DLG2: variants seen among roughly 807,000 people sequenced by gnomAD.
The protein encoded by DLG2 is disks large homolog 2.
In DLG2, 45 loss-of-function variants were observed where a neutral mutation model predicts 132.5. That is an observed-to-expected ratio of 0.34 (90% CI 0.27 to 0.44). DLG2 has a LOEUF of 0.44. Ranked by LOEUF, DLG2 falls within the 20% of genes least tolerant of loss-of-function variation. The probability of loss-of-function intolerance (pLI) is 1.00; values close to 1 mark genes in which losing one functional copy is unlikely to be tolerated. For synonymous variants in DLG2, 424 were observed against 419.6 expected, an observed-to-expected ratio of 1.01 and a Z score of -0.13; for missense variants, 1,045 against 1,196.9, an observed-to-expected ratio of 0.87 and a Z score of 1.87.
At chr11:84,258,228 A>T (rs966789103) in intron 7 of DLG2, among the ~76,000 whole-genome samples, 1 of 152,194 alleles carries the variant, frequency 6.6e-6, no homozygotes, top group Non-Finnish European at 1.5e-5. Context: ...ATAAATGGGT[A>T]ATTGACTGAT....
chr11:84,454,733 A>C (rs1411633870), intron 7 of DLG2, among the ~76,000 whole-genome samples: 2 of 151,534 alleles, frequency 1.3e-5, no homozygotes, highest in Non-Finnish European at 3.0e-5. Context: ...TAAGCCAAAT[A>C]AAAAAGCACA....
At chr11:84,447,773 G>T (rs1021279777) in intron 7 of DLG2, among the ~76,000 whole-genome samples, 8 of 152,160 alleles carry the variant, frequency 5.3e-5, no homozygotes, top group African/African-American at 1.7e-4. Flanking sequence ...TTATATAGTA[G>T]ATCTGAATTA....
At chr11:84,654,453 G>A (rs1226175839) in intron 6 of DLG2, among the ~76,000 whole-genome samples, 3 of 152,114 alleles carry the variant, frequency 2.0e-5, no homozygotes, top group Non-Finnish European at 4.4e-5. Flanking sequence ...GCCAGTCTTT[G>A]ATCCCTACTT....
intron 8 of DLG2, among the ~76,000 whole-genome samples, chr11:84,247,820 C>G (rs993890648): frequency 6.6e-6 from 1 of 152,136 alleles, no homozygotes. Context: ...ACCATTTTCA[C>G]AAGAACCATT....
At chr11:84,906,341 G>T (rs573827521) in intron 6 of DLG2, among the ~76,000 whole-genome samples, 13 of 147,786 alleles carry the variant, frequency 8.8e-5, no homozygotes, top group African/African-American at 3.2e-4. Context: ...AAAAGTACTC[G>T]ATGACTTGAC....
At chr11:84,346,171 A>C (rs2098538439) in intron 7 of DLG2, among the ~76,000 whole-genome samples, 1 of 152,244 alleles carries the variant, frequency 6.6e-6, no homozygotes, top group African/African-American at 2.4e-5. Context: ...CAAGGCTCTC[A>C]GTTAAGTCAT....
In DLG2 at chr11:84,686,384, G is replaced by A. The variant is rs182733284; in HGVS notation, c.358-151653C>T. Among the ~76,000 whole-genome samples the A allele has an allele frequency of 2.2e-3, 328 of 152,196 alleles. 2 individuals carry two copies. The highest frequency in any genetic ancestry group is 2.7e-3 in the Non-Finnish European group (182 of 68,006). Reference sequence around the variant, plus strand: ...GAAGGCAACCTTTCTACAATGCTTCGTGTCTGGAGATCTAAAATAACAAAT... The same window carrying A: ...GAAGGCAACCTTTCTACAATGCTTCATGTCTGGAGATCTAAAATAACAAAT... On this transcript the variant is annotated intron_variant, in intron 6 of 27. Coordinates refer to ENST00000376104, the MANE Select transcript of DLG2 (RefSeq NM_001142699.3).
At chr11:84,479,500 G>C (rs997982379) in intron 7 of DLG2, among the ~76,000 whole-genome samples, 5 of 151,830 alleles carry the variant, frequency 3.3e-5, no homozygotes, top group African/African-American at 1.2e-4. Flanking sequence ...GCCTACCAAG[G>C]CCTAAAAATA....
intron 6 of DLG2, among the ~76,000 whole-genome samples, chr11:84,925,418 CACCTGAGTAT>C (rs2092941004): frequency 6.6e-6 from 1 of 152,110 alleles, no homozygotes; most frequent in African/African-American, 2.4e-5. Context: ...TTCTTTAAAA[CACCTGAGTAT>C]ACCTGTCTAG....
At chr11:84,483,430 CAAAAA>C (rs56086759) in intron 7 of DLG2, among the ~76,000 whole-genome samples, 3 of 90,178 alleles carry the variant, frequency 3.3e-5, no homozygotes, top group Non-Finnish European at 4.4e-5. Flanking sequence ...GACTCCGCCT[CAAAAA>C]AAAAAAAAAA....
At chr11:83,741,295 T>C (rs953894430) in intron 18 of DLG2, among the ~76,000 whole-genome samples, 1 of 152,102 alleles carries the variant, frequency 6.6e-6, no homozygotes, top group African/African-American at 2.4e-5. Context: ...TACTGGAAGT[T>C]CTAGCCAGGA....
chr11:85,003,325 C>CA (rs1453884225), intron 6 of DLG2, among the ~76,000 whole-genome samples: 8 of 151,340 alleles, frequency 5.3e-5, no homozygotes, highest in Admixed American at 3.3e-4. Context: ...CCATGCATTT[C>CA]AAAAAAAATA....
chr11:85,334,670 T>C (rs1470389403), intron 3 of DLG2, among the ~76,000 whole-genome samples: 1 of 152,242 alleles, frequency 6.6e-6, no homozygotes, highest in East Asian at 1.9e-4. Context: ...TCTGCCTTAA[T>C]TTCATTCTTT....
At chr11:84,968,555 T>C (rs959978561) in intron 6 of DLG2, among the ~76,000 whole-genome samples, 3 of 152,212 alleles carry the variant, frequency 2.0e-5, no homozygotes, top group African/African-American at 4.8e-5. Flanking sequence ...ATTTTTATTT[T>C]AGTTTCTGTA....
chr11:84,362,685 G>A (rs528173847), intron 7 of DLG2, among the ~76,000 whole-genome samples: 6 of 152,032 alleles, frequency 3.9e-5, no homozygotes, highest in Non-Finnish European at 8.8e-5. Context: ...ACAGTCCCCA[G>A]AGTGTGATGT....
chr11:85,424,321 C>T (rs2090550896), intron 3 of DLG2, among the ~76,000 whole-genome samples: 1 of 152,130 alleles, frequency 6.6e-6, no homozygotes, highest in African/African-American at 2.4e-5. Flanking sequence ...TGGGTTCTCT[C>T]AGGTTTCCTG....
At chr11:84,270,067 C>A (rs1160569174) in intron 7 of DLG2, among the ~76,000 whole-genome samples, 2 of 152,126 alleles carry the variant, frequency 1.3e-5, no homozygotes, top group Admixed American at 1.3e-4. Flanking sequence ...AAAAGAACTA[C>A]TAATTATGAG....
chr11:85,542,435 A>C lies in DLG2; in HGVS notation c.40+56222T>G, dbSNP rs1176423699. On this transcript the variant is annotated intron_variant, in intron 3 of 27. Transcript: ENST00000376104. ...TGGAAGATATTCAAAGGATCTGGGA[A>C]TCCTTTGAAGATAAAATAGGACAAA... 3.9e-5 allele frequency among the ~76,000 whole-genome samples: 6 copies of C among 152,240 alleles called. No homozygotes were observed. The East Asian group carries it at 1.2e-3, about 29-fold the overall frequency.
At chr11:84,488,120 T>C (rs1006562167) in intron 7 of DLG2, among the ~76,000 whole-genome samples, 2 of 152,164 alleles carry the variant, frequency 1.3e-5, no homozygotes, top group Non-Finnish European at 2.9e-5. Flanking sequence ...AATCCTGCTT[T>C]AGGTGTTGAT....
Sources: allele counts gnomAD v4.1 joint callset (sites outside exome capture counted in the v4.1 genomes callset), GRCh38; gene constraint gnomAD v4.1.1; transcripts MANE v1.5; gene names NCBI Gene and HGNC (gene_info 2026-07-23, HGNC 2026-07-21).